The following SHOC1 variants were observed in gnomAD, a reference collection of about 807,000 sequenced individuals.
The protein encoded by SHOC1 is shortage in chiasmata 1, also known as protein shortage in chiasmata 1 ortholog.
In SHOC1, 136 loss-of-function variants were observed where a neutral mutation model predicts 179.2. The observed-to-expected ratio is 0.76, with a 90% CI of 0.66 to 0.87. SHOC1 has a LOEUF of 0.87. Among genes scored for constraint, SHOC1 ranks in the 40% least tolerant of loss-of-function variants. SHOC1 has a pLI of 0.00. For missense variants in SHOC1, 1,538 were observed against 1,700.8 expected (o/e 0.90, Z 1.68); for synonymous variants, 489 against 586.6 (o/e 0.83, Z 2.41).
chr9:111,757,035 G>GA (rs142784281), intron 7 of SHOC1, among the ~76,000 whole-genome samples: 28,666 of 152,072 alleles, frequency 0.19, 2,896 homozygotes, highest in Non-Finnish European at 0.22. Context: ...TTATTGTAAG[G>GA]AAACCCCTTA....
At chr9:111,699,843 A>C (rs1461883295) in intron 24 of SHOC1, 111 bp downstream of exon 24, 6 of 592,258 alleles carry the variant, frequency 1.0e-5, no homozygotes, top group Non-Finnish European at 1.8e-5. Context: ...TTAGCTTTTA[A>C]ACAGTTTTTA....
At chr9:111,782,623 T>C (rs1564169610) in intron 3 of SHOC1, among the ~76,000 whole-genome samples, 1 of 152,142 alleles carries the variant, frequency 6.6e-6, no homozygotes, top group East Asian at 1.9e-4. Flanking sequence ...TTCCAAATTA[T>C]GACTACAAAT....
At position 111,761,137 on chromosome 9, in the gene SHOC1, C is replaced by T. The variant is rs138906080; in HGVS notation, c.443-2289G>A. On this transcript the variant is annotated intron_variant, in intron 5 of 27. Transcript: ENST00000682961. ...GACTATTTCATAAATGATATTGGGG[C>T]AATTATCAAAAACACTTGGAAAAAG... Among the ~76,000 whole-genome samples the T allele has an allele frequency of 6.2e-3, 939 of 152,088 alleles. 27 individuals carry two copies. Among genetic ancestry groups the T allele is most frequent in the East Asian group, 0.017 (89 of 5,178 alleles).
At chr9:111,724,378 C>T (rs1026702378) in intron 13 of SHOC1, among the ~76,000 whole-genome samples, 1 of 151,894 alleles carries the variant, frequency 6.6e-6, no homozygotes, top group Non-Finnish European at 1.5e-5. Context: ...CTCCCTCTGT[C>T]ACCCAGGCTG....
chr9:111,699,992 C>G lies in SHOC1; in HGVS notation c.3145G>C (p.Val1049Leu). Reference sequence around the variant, plus strand: ...TCTTCAGAGTTTAGCCCAAATGAAACCAAAGCTGCATAAATCAGTGCTAGG... The same window carrying G: ...TCTTCAGAGTTTAGCCCAAATGAAAGCAAAGCTGCATAAATCAGTGCTAGG... ...HHLALIYAALVSFGLNSEELD... is the reference protein window; with the variant it reads ...HHLALIYAALLSFGLNSEELD... The change falls in exon 24 of 28, where the codon GTT (valine) becomes CTT (leucine). Residue 1049 changes from valine to leucine, a missense_variant. Transcript: ENST00000682961. 1 of 1,608,922 alleles carries G rather than the reference C, an allele frequency of 6.2e-7. No individual in the cohort carries two copies. The highest frequency in any genetic ancestry group is 8.5e-7 in the Non-Finnish European group (1 of 1,177,016).
intron 8 of SHOC1, among the ~76,000 whole-genome samples, chr9:111,752,484 T>G (rs1023357274): frequency 6.6e-6 from 1 of 152,170 alleles, no homozygotes; most frequent in Admixed American, 6.5e-5. Flanking sequence ...CAAAGGAAGA[T>G]AGCAAACTAC....
chr9:111,775,794 G>C lies in SHOC1; in HGVS notation c.439C>G (p.Gln147Glu). ...EKCSALQNQNQDLFIDDKGIL... is the reference protein window; with the variant it reads ...EKCSALQNQNEDLFIDDKGIL... ...CAATATAAAATAAACGTTTTACCTT[G>C]GTTCTGGTTTTGAAGTGCTGAACAT... The change falls in exon 5 of 28, where the codon CAA (glutamine) becomes GAA (glutamate). Residue 147 changes from glutamine (Q) to glutamate (E), a missense_variant. Gln to Glu is a conservative substitution (Grantham distance 29, BLOSUM62 2). Coordinates refer to ENST00000682961, the MANE Select transcript of SHOC1 (RefSeq NM_001378211.1). The C allele has an allele frequency of 1.9e-6, 3 of 1,600,866 alleles. No individual in the cohort carries two copies. Among genetic ancestry groups the C allele is most frequent in the Middle Eastern group, 3.3e-4 (2 of 6,020 alleles).
chr9:111,732,560 A>G (rs1326482069), intron 12 of SHOC1, among the ~76,000 whole-genome samples: 1 of 152,212 alleles, frequency 6.6e-6, no homozygotes, highest in Non-Finnish European at 1.5e-5. Flanking sequence ...ACAATGAAAA[A>G]TTTTTTAACA....
At chr9:111,759,345 A>C in intron 5 of SHOC1, 1 of 1,523,170 alleles carries the variant, frequency 6.6e-7, no homozygotes, top group Admixed American at 2.2e-5. Flanking sequence ...TATTATTCTT[A>C]AGTTATTCAC....
intron 5 of SHOC1, among the ~76,000 whole-genome samples, chr9:111,772,357 A>C (rs1835648329): frequency 6.6e-6 from 1 of 152,062 alleles, no homozygotes; most frequent in South Asian, 2.1e-4. Context: ...TTTCCTTGAA[A>C]CTGCTCTTTT....
intron 23 of SHOC1, among the ~76,000 whole-genome samples, chr9:111,701,293 T>C (rs555950295): frequency 6.6e-6 from 1 of 152,332 alleles, no homozygotes; most frequent in African/African-American, 2.4e-5. Flanking sequence ...TCTCTAAAAA[T>C]ATGAATCTGA....
chr9:111,775,845 A>G lies in SHOC1; in HGVS notation c.388T>C (p.Phe130Leu). The G allele has an allele frequency of 2.5e-6, 4 of 1,613,282 alleles. No individual in the cohort carries two copies. The highest frequency in any genetic ancestry group is 3.4e-6 in the Non-Finnish European group (4 of 1,179,736). Reference protein sequence around the residue: ...LYTHMDYNEVFTPVSCLEKCS... With the variant: ...LYTHMDYNEVLTPVSCLEKCS... ...TTTTCTAAACAACTGACAGGGGTAA[A>G]GACTTCATTGTAGTCCATGTGGGTG... Residue 130 changes from phenylalanine (F) to leucine (L), a missense_variant, in exon 5 of 28, where the codon TTT (phenylalanine) becomes CTT (leucine). Phe to Leu is a conservative substitution (Grantham distance 22). Transcript: ENST00000682961.
intron 5 of SHOC1, among the ~76,000 whole-genome samples, chr9:111,761,127 G>C (rs762742206): frequency 6.6e-6 from 1 of 152,122 alleles, no homozygotes; most frequent in African/African-American, 2.4e-5. Context: ...TTTCATAAAT[G>C]ATATTGGGGC....
intron 16 of SHOC1, among the ~76,000 whole-genome samples, chr9:111,715,451 CT>C (rs1280045579): frequency 3.3e-5 from 5 of 152,172 alleles, no homozygotes; most frequent in Admixed American, 3.3e-4. Context: ...TAGAGACTGA[CT>C]TACGTTCTTT....
intron 15 of SHOC1, among the ~76,000 whole-genome samples, chr9:111,721,569 A>C (rs1363813033): frequency 6.6e-6 from 1 of 152,090 alleles, no homozygotes; most frequent in Non-Finnish European, 1.5e-5. Context: ...CGAACTCCTG[A>C]CCTCAGATGA....
At chr9:111,715,659 T>C (rs1228177683) in intron 16 of SHOC1, among the ~76,000 whole-genome samples, 13 of 152,174 alleles carry the variant, frequency 8.5e-5, no homozygotes, top group Admixed American at 7.9e-4. Flanking sequence ...TCTAACCACA[T>C]GGAACTGTTG....
At chr9:111,704,078 G>T (rs777679209) in intron 21 of SHOC1, 86 bp from the exon 22 acceptor site, 1 of 602,406 alleles carries the variant, frequency 1.7e-6, no homozygotes, top group African/African-American at 1.9e-5. Flanking sequence ...TGCATGTTAA[G>T]TTATTTGGAT....
At chr9:111,754,298 C>G (rs750951543) in intron 8 of SHOC1, among the ~76,000 whole-genome samples, 14 of 152,064 alleles carry the variant, frequency 9.2e-5, no homozygotes, top group South Asian at 2.1e-4. Flanking sequence ...CTAAAATGGG[C>G]AAAGGATCTG....
intron 13 of SHOC1, 107 bp from the exon 14 acceptor site, chr9:111,724,018 C>T (rs561983685): frequency 1.3e-6 from 1 of 766,948 alleles, no homozygotes; most frequent in African/African-American, 1.8e-5. Context: ...TAAATTTCTT[C>T]ATTGAAACAC....
Sources: gnomAD v4.1 joint callset for allele counts (sites outside exome capture counted in the v4.1 genomes callset) on GRCh38, gnomAD v4.1.1 for gene constraint, MANE v1.5 for transcripts, NCBI Gene and HGNC (gene_info 2026-07-23, HGNC 2026-07-21) for gene names.